Variants in KCNIP4 observed in about 807,000 individuals in gnomAD.
KCNIP4 encodes Kv channel-interacting protein 4.
A neutral mutation model predicts 34.0 loss-of-function variants in KCNIP4; 12 were observed. That is an observed-to-expected ratio of 0.35 (90% CI 0.23 to 0.57). KCNIP4 has a LOEUF of 0.57. KCNIP4 is among the 20% of genes least tolerant of loss of function. KCNIP4 has a pLI of 0.83. For missense variants in KCNIP4, 238 were observed against 311.7 expected, an observed-to-expected ratio of 0.76 and a Z score of 1.78; for synonymous variants, 124 against 102.2, an observed-to-expected ratio of 1.21 and a Z score of -1.29.
chr4:21,168,904 A>G (rs908840039), intron 1 of KCNIP4, among the ~76,000 whole-genome samples: 1 of 152,114 alleles, frequency 6.6e-6, no homozygotes, highest in Non-Finnish European at 1.5e-5. Flanking sequence ...GCATCCTCTC[A>G]GTATCTCGAA....
At chr4:21,329,821 C>T (rs1196899190) in intron 1 of KCNIP4, among the ~76,000 whole-genome samples, 1 of 152,118 alleles carries the variant, frequency 6.6e-6, no homozygotes, top group African/African-American at 2.4e-5. Context: ...TTATGATAAG[C>T]ATTGTTAGCC....
intron 1 of KCNIP4, among the ~76,000 whole-genome samples, chr4:21,836,671 A>G (rs360695): frequency 0.98 from 148,877 of 152,240 alleles, 72,886 homozygotes; most frequent in East Asian, 1. Flanking sequence ...GTTGTTATGG[A>G]AAGAAATAAT....
intron 1 of KCNIP4, among the ~76,000 whole-genome samples, chr4:21,360,077 C>A (rs375585215): frequency 2.0e-5 from 3 of 151,988 alleles, no homozygotes; most frequent in Non-Finnish European, 4.4e-5. Flanking sequence ...CTCTACTGTG[C>A]GTGTAACTCC....
chr4:21,316,233 T>C (rs1405703759), intron 1 of KCNIP4: 2 of 152,184 alleles, frequency 1.3e-5, no homozygotes, highest in Non-Finnish European at 2.9e-5. Flanking sequence ...TACAAAACTA[T>C]GAATCCTGGG....
At chr4:21,221,993 A>G (rs1758012451) in intron 1 of KCNIP4, among the ~76,000 whole-genome samples, 1 of 152,178 alleles carries the variant, frequency 6.6e-6, no homozygotes, top group South Asian at 2.1e-4. Flanking sequence ...GTATTTAGAC[A>G]CATCTATCAG....
chr4:21,799,153 G>A (rs1342646496), intron 1 of KCNIP4, among the ~76,000 whole-genome samples: 1 of 152,072 alleles, frequency 6.6e-6, no homozygotes, highest in Non-Finnish European at 1.5e-5. Flanking sequence ...TATTTACAGA[G>A]CTCTTACTAG....
chr4:21,452,495 A>C (rs1012976875), intron 1 of KCNIP4, among the ~76,000 whole-genome samples: 2 of 152,126 alleles, frequency 1.3e-5, no homozygotes, highest in Admixed American at 6.5e-5. Context: ...ACATGGCTTC[A>C]GATGACTTAA....
chr4:21,731,476 G>T (rs1446119855), intron 1 of KCNIP4, among the ~76,000 whole-genome samples: 1 of 152,150 alleles, frequency 6.6e-6, no homozygotes, highest in East Asian at 1.9e-4. Context: ...TAATCACGCT[G>T]TATTTTAGTT....
chr4:21,823,397 T>C (rs937238097), intron 1 of KCNIP4, among the ~76,000 whole-genome samples: 2 of 151,962 alleles, frequency 1.3e-5, no homozygotes, highest in African/African-American at 2.4e-5. Context: ...CAGAAAACTA[T>C]ATTATTCAAT....
intron 1 of KCNIP4, among the ~76,000 whole-genome samples, chr4:21,143,977 C>T (rs550657560): frequency 5.3e-5 from 8 of 152,062 alleles, no homozygotes; most frequent in East Asian, 1.9e-4. Flanking sequence ...CAAAGTGCTG[C>T]GATTACAGGC....
intron 1 of KCNIP4, among the ~76,000 whole-genome samples, chr4:21,945,236 A>G (rs545884513): frequency 1.3e-5 from 2 of 152,346 alleles, no homozygotes; most frequent in South Asian, 4.1e-4. Flanking sequence ...TTGCACACAG[A>G]TTTTATATTG....
intron 1 of KCNIP4, among the ~76,000 whole-genome samples, chr4:21,011,439 A>G (rs1739057035): frequency 6.6e-6 from 1 of 152,188 alleles, no homozygotes; most frequent in Non-Finnish European, 1.5e-5. Flanking sequence ...GTACTTTTCC[A>G]TCCTCCTGTG....
At chr4:21,425,536 G>GA (rs1318494371) in intron 1 of KCNIP4, among the ~76,000 whole-genome samples, 3 of 151,976 alleles carry the variant, frequency 2.0e-5, no homozygotes, top group African/African-American at 7.2e-5. Context: ...AATGGAGTAT[G>GA]AAAAAATAAA....
At chr4:21,800,789 T>C (rs1471089952) in intron 1 of KCNIP4, among the ~76,000 whole-genome samples, 1 of 152,166 alleles carries the variant, frequency 6.6e-6, no homozygotes, top group African/African-American at 2.4e-5. Context: ...AAATTGCAGG[T>C]ATAGCAGAAT....
intron 1 of KCNIP4, among the ~76,000 whole-genome samples, chr4:21,291,868 AAAGAAAGAAAGAAAGAAAG>A (rs1382844175): frequency 0.011 from 222 of 19,620 alleles, 21 homozygotes; most frequent in Admixed American, 0.019. Flanking sequence ...AAAAAAAAAA[AAAGAAAGAAAGAAAGAAAG>A]AAAGAAAGAA....
At chr4:21,017,489 A>G (rs560145119) in intron 1 of KCNIP4, among the ~76,000 whole-genome samples, 66 of 152,094 alleles carry the variant, frequency 4.3e-4, no homozygotes, top group Non-Finnish European at 7.9e-4. Flanking sequence ...ATGGCTTCCA[A>G]TTCCATCCAT....
At chr4:21,468,930 C>T (rs1258157954) in intron 1 of KCNIP4, among the ~76,000 whole-genome samples, 1 of 152,172 alleles carries the variant, frequency 6.6e-6, no homozygotes, top group African/African-American at 2.4e-5. Context: ...TGTTTACACA[C>T]AGCAGTGATT....
At chr4:20,824,814 T>C (rs1717532322) in intron 3 of KCNIP4, among the ~76,000 whole-genome samples, 1 of 86,104 alleles carries the variant, frequency 1.2e-5, no homozygotes, top group Non-Finnish European at 2.5e-5. Flanking sequence ...AACTGGATTC[T>C]CATAATTGCT....
intron 1 of KCNIP4, among the ~76,000 whole-genome samples, chr4:21,433,141 A>C (rs946767099): frequency 1.3e-5 from 2 of 152,208 alleles, no homozygotes; most frequent in African/African-American, 4.8e-5. Context: ...ATAATTTACT[A>C]TATGAAGAAA....
Sources: gnomAD v4.1 joint callset for allele counts (sites outside exome capture counted in the v4.1 genomes callset) on GRCh38, gnomAD v4.1.1 for gene constraint, MANE v1.5 for transcripts, NCBI Gene and HGNC (gene_info 2026-07-23, HGNC 2026-07-21) for gene names.